MCOLN3: variants seen among roughly 807,000 people sequenced by gnomAD.
MCOLN3 encodes the protein mucolipin-3.
A neutral mutation model predicts 69.4 loss-of-function variants in MCOLN3; 62 were observed. The ratio of observed to expected loss-of-function variants is 0.89; its 90% confidence interval spans 0.73 to 1.10. The LOEUF (loss-of-function observed/expected upper bound fraction) is 1.10, where lower values mean the gene tolerates loss of function less well. Ranked by LOEUF, MCOLN3 falls within the 50% of genes least tolerant of loss-of-function variation. The pLI, the probability that MCOLN3 is intolerant of heterozygous loss-of-function variation, is 0.00. For synonymous variants in MCOLN3, 183 were observed against 217.0 expected, an observed-to-expected ratio of 0.84 and a Z score of 1.38; for missense variants, 564 against 656.4, an observed-to-expected ratio of 0.86 and a Z score of 1.54.
chr1:85,029,496 G>C (rs1219463615), intron 6 of MCOLN3: 2 of 236,462 alleles, frequency 8.5e-6, no homozygotes, highest in Non-Finnish European at 1.6e-5. Flanking sequence ...CTTGCTCTCT[G>C]TTCTAAGTAC....
At chr1:85,048,119 G>C (rs1653473901) in intron 1 of MCOLN3, among the ~76,000 whole-genome samples, 1 of 152,234 alleles carries the variant, frequency 6.6e-6, no homozygotes. Context: ...CCTGGAGGGG[G>C]ACCGAGGAGC....
At chr1:85,020,232 G>C (rs1651859342) in intron 12 of MCOLN3, among the ~76,000 whole-genome samples, 1 of 152,182 alleles carries the variant, frequency 6.6e-6, no homozygotes, top group African/African-American at 2.4e-5. Context: ...CTGAAATCTT[G>C]TTCAGTGAGG....
chr1:85,021,214 A>G lies in MCOLN3; in HGVS notation c.1383T>C (p.Phe461=). 1 of 1,613,964 alleles carries G rather than the reference A, an allele frequency of 6.2e-7. No homozygotes were observed. The highest frequency in any genetic ancestry group is 8.5e-7 in the Non-Finnish European group (1 of 1,179,910). ...LFSLINGDDM[F]ATFAKMQQKS... ...TTTGCTGCATTTTTGCAAACGTGGC[A>G]AACATATCATCTCCATTTATCAGAG... is the stretch of plus-strand genomic sequence containing the variant. The change falls in exon 12 of 13, where the codon TTT becomes TTC. Residue 461 remains phenylalanine, a synonymous_variant. Transcript: ENST00000370589.
At chr1:85,019,296 T>A (rs780550042) in intron 12 of MCOLN3, 39 bp from the exon 13 acceptor site, 33 of 1,595,450 alleles carry the variant, frequency 2.1e-5, no homozygotes, top group South Asian at 1.1e-5. Flanking sequence ...ATTAATAAGC[T>A]CCTTGAAAAC....
In MCOLN3 at chr1:85,026,634, G is replaced by A. The variant is rs1371657123; in HGVS notation, c.833-350C>T. ...TAGCCGGGCATGGTGGTGAGCGCCT[G>A]TAGTCCCAGCTACTTGGGAGGCTGA... On this transcript the variant is annotated intron_variant, in intron 7 of 12. Transcript: ENST00000370589. 2.6e-5 allele frequency among the ~76,000 whole-genome samples: 4 copies of A among 151,016 alleles called. No individual in the cohort carries two copies. In the East Asian group the frequency reaches 5.8e-4, roughly 22 times the overall value.
intron 12 of MCOLN3, among the ~76,000 whole-genome samples, chr1:85,019,552 C>A (rs998817334): frequency 6.6e-6 from 1 of 152,142 alleles, no homozygotes; most frequent in Non-Finnish European, 1.5e-5. Flanking sequence ...TTGAGCTAGC[C>A]CCATCCCAAG....
intron 9 of MCOLN3, chr1:85,022,995 T>G (rs7537692): frequency 0.99 from 150,543 of 152,166 alleles, 74,488 homozygotes; most frequent in Middle Eastern, 1. Flanking sequence ...GGAGTGAGGA[T>G]GCTATTGCAA....
At chr1:85,045,544 T>C (rs1049551724) in intron 1 of MCOLN3, among the ~76,000 whole-genome samples, 182 bp from the exon 2 acceptor site, 2 of 152,248 alleles carry the variant, frequency 1.3e-5, no homozygotes, top group African/African-American at 4.8e-5. Flanking sequence ...AGGACGTCAC[T>C]TTTTTATTTG....
In MCOLN3 at chr1:85,045,324, A is replaced by G. The variant is rs1235211186; in HGVS notation, c.37T>C (p.Ser13Pro). Residue 13 changes from serine (S) to proline (P), a missense_variant, in exon 2 of 13, where the codon TCT becomes CCT. Physicochemically the swap from Ser to Pro is moderately conservative, Grantham distance 74. Transcript: ENST00000370589. ...TTGCAGCGATTTTCCTCTTCATGAGAGCTGCAGCTACTCACAACTACCTCA... is the reference window on the plus strand; with the variant it reads ...TTGCAGCGATTTTCCTCTTCATGAGGGCTGCAGCTACTCACAACTACCTCA... ...DPEVVVSSCS[S>P]HEEENRCNFN... 1.9e-6 allele frequency: 3 copies of G among 1,613,942 alleles called. No individual in the cohort carries two copies. Among genetic ancestry groups the G allele is most frequent in the Non-Finnish European group, 2.5e-6 (3 of 1,179,988 alleles).
At position 85,018,455 on chromosome 1, in the gene MCOLN3, T is replaced by TAG. The variant is rs1651767450; in HGVS notation, c.*667_*668insCT. The TAG allele has an allele frequency of 6.6e-6, 1 of 152,258 alleles. No individual in the cohort carries two copies. Among genetic ancestry groups the TAG allele is most frequent in the African/African-American group, 2.4e-5 (1 of 41,458 alleles). 9.4% of individuals were successfully genotyped at this position (152,258 alleles called of 1,614,324 possible). A position where few individuals can be genotyped will look rare whatever the true frequency, so the allele number is the denominator to read the frequency against. On this transcript the variant is annotated 3_prime_UTR_variant, in exon 13 of 13. Coordinates refer to ENST00000370589, the MANE Select transcript of MCOLN3 (RefSeq NM_018298.11). ...AACAGGCTATACCAAATAGCCTAGG[T>TAG]GTGTAGTAGGCTATACCATCTAGGT...
At chr1:85,027,002 C>A (rs1315482236) in intron 7 of MCOLN3, among the ~76,000 whole-genome samples, 1 of 152,080 alleles carries the variant, frequency 6.6e-6, no homozygotes, top group African/African-American at 2.4e-5. Flanking sequence ...GATCCTCTCA[C>A]CTCAGCCTCC....
intron 12 of MCOLN3, among the ~76,000 whole-genome samples, chr1:85,020,580 T>C (rs1651875340): frequency 6.6e-6 from 1 of 152,242 alleles, no homozygotes; most frequent in South Asian, 2.1e-4. Flanking sequence ...CCATTAATCC[T>C]TTTGCTATTC....
In MCOLN3 at chr1:85,021,165, T is replaced by A; in HGVS notation, c.1432A>T (p.Ser478Cys). Residue 478 changes from serine (S) to cysteine (C), a missense_variant, in exon 12 of 13, where the codon AGT becomes TGT. Physicochemically the swap from Ser to Cys is moderately radical, Grantham distance 112 (BLOSUM62 -1). Coordinates refer to ENST00000370589, the MANE Select transcript of MCOLN3 (RefSeq NM_018298.11). ...QQKSYLVWLF[S>C]RIYLYSFISL... ...ATGAATGAGTAGAGGTAAATTCTAC[T>A]AAACAGCCAGACTAAGTAACTTTTT... The A allele has an allele frequency of 1.2e-6, 2 of 1,613,624 alleles. No homozygotes were observed. The highest frequency in any genetic ancestry group is 1.3e-5 in the African/African-American group (1 of 75,020).
In MCOLN3 at chr1:85,021,283, A is replaced by G. The variant is rs771006041; in HGVS notation, c.1321-7T>C. 1 of 1,603,672 alleles carries G rather than the reference A, an allele frequency of 6.2e-7. No homozygotes were observed. ...CCATGTTCAGAGAACGAAACTGGAAAAAGAAAAGAGAAAAGTTCACTTTAT... is the reference window on the plus strand; with the variant it reads ...CCATGTTCAGAGAACGAAACTGGAAGAAGAAAAGAGAAAAGTTCACTTTAT... On this transcript the variant is annotated splice_polypyrimidine_tract_variant and splice_region_variant and intron_variant, in intron 11 of 12. Transcript: ENST00000370589.
At position 85,026,168 on chromosome 1, in the gene MCOLN3, C is replaced by T. The variant is rs557165622; in HGVS notation, c.945+4G>A. On this transcript the variant is annotated splice_donor_region_variant and intron_variant, in intron 8 of 12. Transcript: ENST00000370589. The stretch of plus-strand genomic sequence containing the variant: ...TAGCATTCCTAGAAAGCAACGTTCC[C>T]TACCTGCTGAAGCTGAAGTCCTCTA... 17 of 1,613,772 alleles carry T rather than the reference C, an allele frequency of 1.1e-5. No homozygotes were observed. Among genetic ancestry groups the T allele is most frequent in the Admixed American group, 5.0e-5 (3 of 60,012 alleles).
chr1:85,026,120 G>A, intron 8 of MCOLN3, 32 bp from the exon 9 acceptor site: 1 of 1,612,906 alleles, frequency 6.2e-7, no homozygotes, highest in Non-Finnish European at 8.5e-7. Context: ...CACAGTGAAT[G>A]TCTCTGTCAA....
Position 85,035,600 on chromosome 1 carries a change from G to A in MCOLN3, c.397-1349C>T, listed in dbSNP as rs1652763959. 2.6e-5 allele frequency among the ~76,000 whole-genome samples: 4 copies of A among 152,206 alleles called. No homozygotes were observed. The South Asian group carries it at 8.3e-4, about 32-fold the overall frequency. On this transcript the variant is annotated intron_variant, in intron 3 of 12. Coordinates refer to ENST00000370589, the MANE Select transcript of MCOLN3 (RefSeq NM_018298.11). ...TACTCCACTTCCAGTCCATCTGAAA[G>A]TCATGCATGACTTTCAAATTATCTC... is the stretch of plus-strand genomic sequence containing the variant.
chr1:85,026,614 G>T (rs770604894), intron 7 of MCOLN3, among the ~76,000 whole-genome samples: 2 of 151,696 alleles, frequency 1.3e-5, no homozygotes, highest in African/African-American at 4.8e-5. Flanking sequence ...AAAATTAGCC[G>T]GGCATGGTGG....
chr1:85,031,128 G>T (rs1324721484), intron 6 of MCOLN3, among the ~76,000 whole-genome samples: 3 of 151,978 alleles, frequency 2.0e-5, no homozygotes, highest in Non-Finnish European at 4.4e-5. Flanking sequence ...AAAACTAGCT[G>T]GGCGTGGTAA....
Sources: gnomAD v4.1 joint callset for allele counts (sites outside exome capture counted in the v4.1 genomes callset) on GRCh38, gnomAD v4.1.1 for gene constraint, MANE v1.5 for transcripts, NCBI Gene and HGNC (gene_info 2026-07-23, HGNC 2026-07-21) for gene names.